Variants in DAAM2 observed in about 807,000 individuals in gnomAD.
The protein encoded by DAAM2 is dishevelled associated activator of morphogenesis 2.
In DAAM2, 39 loss-of-function variants were observed where a neutral mutation model predicts 120.7. The ratio of observed to expected loss-of-function variants is 0.32; its 90% confidence interval spans 0.25 to 0.42. The LOEUF is 0.42. DAAM2 is among the 10% of genes least tolerant of loss of function. The pLI is 1.00. For missense variants in DAAM2, 1,283 were observed against 1,401.7 expected, an observed-to-expected ratio of 0.92 and a Z score of 1.35; for synonymous variants, 488 against 524.9, an observed-to-expected ratio of 0.93 and a Z score of 0.96.
chr6:39,834,284 C>G (rs1192908635), intron 1 of DAAM2, among the ~76,000 whole-genome samples: 1 of 152,142 alleles, frequency 6.6e-6, no homozygotes, highest in African/African-American at 2.4e-5. Context: ...TCAAATTCCC[C>G]CATTTGTATG....
At chr6:39,829,163 T>A (rs573015092) in intron 1 of DAAM2, among the ~76,000 whole-genome samples, 1 of 152,242 alleles carries the variant, frequency 6.6e-6, no homozygotes, top group African/African-American at 2.4e-5. Context: ...ATAAATCCAA[T>A]TGGCATCTCT....
chr6:39,860,996 G>T lies in DAAM2; in HGVS notation c.237G>T (p.Gln79His). 6.2e-7 allele frequency: 1 copy of T among 1,612,008 alleles called. No individual in the cohort carries two copies. The highest frequency in any genetic ancestry group is 1.3e-5 in the African/African-American group (1 of 75,008). ...MFALPPEKKWQIYCSKKKEQE... is the reference protein window; with the variant it reads ...MFALPPEKKWHIYCSKKKEQE... ...CACTGCCCCCTGAGAAGAAATGGCA[G>T]ATCTACTGCAGCAAGAAGAAGGTGC... is the stretch of plus-strand genomic sequence containing the variant. The change falls in exon 3 of 25, where the codon CAG (glutamine) becomes CAT (histidine). Residue 79 changes from glutamine to histidine, a missense_variant. By Grantham distance (24) the Gln-to-His change is conservative (BLOSUM62 0). Transcript: ENST00000274867.
intron 1 of DAAM2, among the ~76,000 whole-genome samples, chr6:39,804,522 C>CTGTGTGTG (rs10688621): frequency 0.013 from 1,925 of 149,440 alleles, 12 homozygotes; most frequent in South Asian, 0.018. Context: ...GAGATCAGTT[C>CTGTGTGTG]TGTGTGTGTG....
At chr6:39,821,080 C>A (rs1762473056) in intron 1 of DAAM2, 1 of 152,196 alleles carries the variant, frequency 6.6e-6, no homozygotes, top group Non-Finnish European at 1.5e-5. Context: ...CAGAGTTTTT[C>A]CCTGGAGGAT....
intron 8 of DAAM2, 119 bp downstream of exon 8, chr6:39,870,562 C>T (rs1764617991): frequency 2.9e-6 from 2 of 692,174 alleles, no homozygotes; most frequent in Non-Finnish European, 5.1e-6. Context: ...ATTCCCAGCG[C>T]AGATTCAGAA....
chr6:39,902,517 C>G lies in DAAM2; in HGVS notation c.*480C>G, dbSNP rs1217483916. Reference sequence around the variant, plus strand: ...AAGGGGAGGCTCAACAGAACATTGACCTGGGGGCAAACTTTCCTCTTGAAT... The same window carrying G: ...AAGGGGAGGCTCAACAGAACATTGAGCTGGGGGCAAACTTTCCTCTTGAAT... On this transcript the variant is annotated 3_prime_UTR_variant, in exon 25 of 25. Coordinates refer to ENST00000274867, the MANE Select transcript of DAAM2 (RefSeq NM_001201427.2). 6.5e-6 allele frequency: 1 copy of G among 153,492 alleles called. No homozygotes were observed. The highest frequency in any genetic ancestry group is 2.4e-5 in the African/African-American group (1 of 41,474). The allele number at this position is 153,492 out of a possible 1,614,324, so 9.5% of individuals were successfully genotyped here.
chr6:39,900,043 C>A (rs2149380607), intron 22 of DAAM2, 34 bp from the exon 23 acceptor site: 1 of 1,586,272 alleles, frequency 6.3e-7, no homozygotes, highest in Non-Finnish European at 8.6e-7. Context: ...CATCTTGGCA[C>A]CAGTCTAAGC....
At chr6:39,882,033 G>A (rs1268322068) in intron 14 of DAAM2, 1 of 152,112 alleles carries the variant, frequency 6.6e-6, no homozygotes, top group Non-Finnish European at 1.5e-5. Context: ...GTGCACCACG[G>A]GGGAAACATA....
chr6:39,901,976 G>C lies in DAAM2; in HGVS notation c.3146G>C (p.Arg1049Pro), dbSNP rs200618513. Residue 1049 changes from arginine (R) to proline (P), a missense_variant, in exon 25 of 25, where the codon CGA (arginine) becomes CCA (proline). Transcript: ENST00000274867. This position sits in a 1 kb window ranked among gnomAD's most constrained non-coding sequence, Gnocchi z 4.5. ...TGCAAGCTCAAGCGCAGCCGCAAGC[G>C]ATCAGGGAGCCAGGCCCTGGAAGTT... Reference protein sequence around the residue: ...DLCKLKRSRKRSGSQALEVTR... With the variant: ...DLCKLKRSRKPSGSQALEVTR... The C allele has an allele frequency of 4.3e-6, 7 of 1,612,168 alleles. No homozygotes were observed. Among genetic ancestry groups the C allele is most frequent in the East Asian group, 4.5e-5 (2 of 44,800 alleles).
At position 39,864,522 on chromosome 6, in the gene DAAM2, C is replaced by T; in HGVS notation, c.333+15C>T. ...CCATGGCTGCGGTGAGTGGCTGCCC[C>T]TCTCCTGCCCTGCCCCCACCTGGAA... On this transcript the variant is annotated intron_variant, in intron 4 of 24. Coordinates refer to ENST00000274867, the MANE Select transcript of DAAM2 (RefSeq NM_001201427.2). 2 of 1,598,878 alleles carry T rather than the reference C, an allele frequency of 1.3e-6. No homozygotes were observed. The highest frequency in any genetic ancestry group is 1.7e-6 in the Non-Finnish European group (2 of 1,172,766).
At chr6:39,891,069 A>T (rs374126979) in intron 17 of DAAM2, among the ~76,000 whole-genome samples, 1 of 148,804 alleles carries the variant, frequency 6.7e-6, no homozygotes, top group East Asian at 2.0e-4. Flanking sequence ...TTCTAGCCTG[A>T]TTGACAGAGT....
Position 39,898,952 on chromosome 6 carries a change from A to G in DAAM2, c.2679+15A>G, listed in dbSNP as rs1766300066. The G allele has an allele frequency of 2.5e-6, 4 of 1,604,960 alleles. No individual in the cohort carries two copies. Among genetic ancestry groups the G allele is most frequent in the East Asian group, 4.5e-5 (2 of 44,688 alleles). ...CGGTGGAGGTGGTGAGTACCTTGTC[A>G]GTGCCTACCTGGGTGAGGGCTGCTG... On this transcript the variant is annotated intron_variant, in intron 22 of 24. Transcript: ENST00000274867.
At chr6:39,874,931 TA>T (rs1174115878) in intron 10 of DAAM2, among the ~76,000 whole-genome samples, 2 of 152,140 alleles carry the variant, frequency 1.3e-5, no homozygotes, top group South Asian at 2.1e-4. Context: ...AAATCTTTTT[TA>T]AAAAAAACTT....
intron 7 of DAAM2, among the ~76,000 whole-genome samples, chr6:39,869,283 G>C (rs1263602613): frequency 1.3e-5 from 2 of 152,156 alleles, no homozygotes; most frequent in Non-Finnish European, 2.9e-5. Context: ...TGGGATTCTT[G>C]AAGTATAAAA....
At chr6:39,847,105 C>T (rs1763625297) in intron 1 of DAAM2, among the ~76,000 whole-genome samples, 1 of 152,348 alleles carries the variant, frequency 6.6e-6, no homozygotes, top group South Asian at 2.1e-4. Flanking sequence ...GCAGAAGGCA[C>T]AGCCCCGGGG....
chr6:39,879,733 G>A (rs1765041155), intron 14 of DAAM2: 1 of 585,588 alleles, frequency 1.7e-6, no homozygotes, highest in Non-Finnish European at 3.1e-6. Flanking sequence ...ATTTGTGTTT[G>A]CCCAGGGTTA....
chr6:39,829,483 AG>A (rs1762800125), intron 1 of DAAM2, among the ~76,000 whole-genome samples: 1 of 152,104 alleles, frequency 6.6e-6, no homozygotes, highest in African/African-American at 2.4e-5. Flanking sequence ...CCCTCTTAAG[AG>A]GCTTGTGTTG....
At chr6:39,817,424 C>T (rs1762341749) in intron 1 of DAAM2, among the ~76,000 whole-genome samples, 1 of 152,162 alleles carries the variant, frequency 6.6e-6, no homozygotes, top group South Asian at 2.1e-4. Flanking sequence ...AACAGAGGGT[C>T]TCTGCTTGTT....
chr6:39,851,073 C>T (rs987097460), intron 1 of DAAM2, among the ~76,000 whole-genome samples: 2 of 152,150 alleles, frequency 1.3e-5, no homozygotes, highest in East Asian at 1.9e-4. Flanking sequence ...TAATAATAAC[C>T]ACCTTATAAG....
Sources: allele counts gnomAD v4.1 joint callset (sites outside exome capture counted in the v4.1 genomes callset), GRCh38; gene constraint gnomAD v4.1.1; non-coding constraint Gnocchi (gnomAD v3.1); transcripts MANE v1.5; gene names NCBI Gene and HGNC (gene_info 2026-07-23, HGNC 2026-07-21).